ATG10: variants seen among roughly 807,000 people sequenced by gnomAD.
ATG10 encodes ubiquitin-like-conjugating enzyme ATG10.
In ATG10, 30 loss-of-function variants were observed where a neutral mutation model predicts 32.1. The ratio of observed to expected loss-of-function variants is 0.94; its 90% CI spans 0.70 to 1.27. ATG10 has a LOEUF of 1.27. ATG10 is among the 50% of genes most tolerant of loss of function. The pLI is 0.00. For missense variants in ATG10, 233 were observed against 262.3 expected, an observed-to-expected ratio of 0.89 and a Z score of 0.77; for synonymous variants, 87 against 91.5, an observed-to-expected ratio of 0.95 and a Z score of 0.28.
intron 5 of ATG10, among the ~76,000 whole-genome samples, chr5:82,231,482 T>A (rs1746366724): frequency 6.6e-6 from 1 of 152,212 alleles, no homozygotes; most frequent in African/African-American, 2.4e-5. Flanking sequence ...TCTATTACTA[T>A]GTTTATTTGT....
chr5:82,161,696 A>AACACGCAC (rs1554053989), intron 3 of ATG10, among the ~76,000 whole-genome samples: 1 of 129,664 alleles, frequency 7.7e-6, no homozygotes, highest in Non-Finnish European at 1.6e-5. Context: ...TTAGAGAATA[A>AACACGCAC]ACACACACAC....
intron 5 of ATG10, among the ~76,000 whole-genome samples, chr5:82,201,228 C>G (rs1035390205): frequency 6.6e-6 from 1 of 152,150 alleles, no homozygotes; most frequent in Non-Finnish European, 1.5e-5. Context: ...GGTATTTTAT[C>G]TAAGAATTGT....
rs148687785 is a variant in ATG10, at chr5:82,146,583, A to G, written c.217-17816A>G. Among the ~76,000 whole-genome samples, 282 of 149,262 alleles carry G rather than the reference A, an allele frequency of 1.9e-3. 1 individual carries two copies. Among genetic ancestry groups the G allele is most frequent in the Non-Finnish European group, 2.5e-3 (169 of 67,582 alleles). On this transcript the variant is annotated intron_variant, in intron 3 of 7. Coordinates refer to ENST00000282185, the MANE Select transcript of ATG10 (RefSeq NM_031482.5). ...GTCTGATGTTCTGAAATTGTCCCACATGTCCCAAATACTTTGTTCATTTTC... is the reference window on the plus strand; with the variant it reads ...GTCTGATGTTCTGAAATTGTCCCACGTGTCCCAAATACTTTGTTCATTTTC...
At chr5:82,100,350 T>C (rs1172966255) in intron 3 of ATG10, among the ~76,000 whole-genome samples, 1 of 151,916 alleles carries the variant, frequency 6.6e-6, no homozygotes, top group Non-Finnish European at 1.5e-5. Context: ...AAATGGGTGG[T>C]GGTGTTTTGA....
At chr5:82,086,787 T>G (rs1478400993) in intron 3 of ATG10, among the ~76,000 whole-genome samples, 1 of 152,192 alleles carries the variant, frequency 6.6e-6, no homozygotes, top group Non-Finnish European at 1.5e-5. Context: ...GGAGGCATCT[T>G]AAGAAATTAG....
chr5:82,079,160 A>G (rs1033814276), intron 3 of ATG10, among the ~76,000 whole-genome samples: 1 of 152,094 alleles, frequency 6.6e-6, no homozygotes, highest in Non-Finnish European at 1.5e-5. Context: ...CTCTTTGGTT[A>G]TATCTGGGCA....
intron 2 of ATG10, among the ~76,000 whole-genome samples, chr5:82,033,908 A>G (rs1762820337): frequency 6.7e-6 from 1 of 149,294 alleles, no homozygotes; most frequent in Non-Finnish European, 1.5e-5. Flanking sequence ...TATATGTACT[A>G]TGTATATATA....
At chr5:81,987,835 A>G (rs1371204334) in intron 2 of ATG10, among the ~76,000 whole-genome samples, 157 bp downstream of exon 2, 1 of 152,158 alleles carries the variant, frequency 6.6e-6, no homozygotes, top group Non-Finnish European at 1.5e-5. Context: ...CTTACAACAG[A>G]TGTCCATTTT....
At chr5:82,066,262 C>T (rs913003935) in intron 3 of ATG10, among the ~76,000 whole-genome samples, 33 of 152,120 alleles carry the variant, frequency 2.2e-4, no homozygotes, top group Non-Finnish European at 5.9e-5. Context: ...GCTACCTATA[C>T]ACACTGACTT....
At chr5:82,060,632 G>C (rs1486411521) in intron 3 of ATG10, among the ~76,000 whole-genome samples, 2 of 152,192 alleles carry the variant, frequency 1.3e-5, no homozygotes, top group Non-Finnish European at 2.9e-5. Flanking sequence ...GAAAGGCCGA[G>C]GCAGGCGGAT....
intron 2 of ATG10, among the ~76,000 whole-genome samples, chr5:82,005,585 G>A (rs1008394730): frequency 8.5e-5 from 13 of 152,068 alleles, no homozygotes; most frequent in African/African-American, 1.9e-4. Context: ...GTGAGCCACC[G>A]CACATTTATA....
chr5:82,047,308 G>A (rs1763262706), intron 2 of ATG10, among the ~76,000 whole-genome samples: 1 of 152,064 alleles, frequency 6.6e-6, no homozygotes, highest in Non-Finnish European at 1.5e-5. Context: ...AAATGGGCAA[G>A]TTGGAAAACC....
intron 2 of ATG10, among the ~76,000 whole-genome samples, chr5:81,993,370 T>C (rs1226840561): frequency 0.012 from 382 of 32,266 alleles, 11 homozygotes; most frequent in African/African-American, 0.036. Context: ...CTTCTTTTCT[T>C]TTCTTTTCTT....
intron 2 of ATG10, among the ~76,000 whole-genome samples, chr5:82,016,278 T>C (rs1004691111): frequency 6.6e-6 from 1 of 152,174 alleles, no homozygotes; most frequent in Non-Finnish European, 1.5e-5. Context: ...GAGGCGAGGA[T>C]CCACTTTGAT....
At chr5:81,983,706 T>G (rs1392018656) in intron 1 of ATG10, among the ~76,000 whole-genome samples, 2 of 143,906 alleles carry the variant, frequency 1.4e-5, no homozygotes, top group African/African-American at 5.2e-5. Context: ...ACTTCCCAGA[T>G]GGGGTGGCTG....
intron 4 of ATG10, among the ~76,000 whole-genome samples, chr5:82,178,169 G>A (rs560531670): frequency 9.9e-5 from 15 of 152,242 alleles, no homozygotes; most frequent in South Asian, 4.1e-4. Context: ...ATGGGAGTCT[G>A]TTGGTTCCTT....
chr5:82,070,758 C>A (rs908106217), intron 3 of ATG10, among the ~76,000 whole-genome samples: 2 of 152,034 alleles, frequency 1.3e-5, no homozygotes, highest in African/African-American at 4.8e-5. Context: ...TTTTACAATC[C>A]CCTCTGTCTT....
At chr5:82,214,745 C>T (rs1745612241) in intron 5 of ATG10, among the ~76,000 whole-genome samples, 1 of 152,146 alleles carries the variant, frequency 6.6e-6, no homozygotes, top group Non-Finnish European at 1.5e-5. Flanking sequence ...GGTGGAGGGA[C>T]TCTCTTACGA....
intron 2 of ATG10, among the ~76,000 whole-genome samples, chr5:81,997,958 A>G (rs1761717401): frequency 6.6e-6 from 1 of 152,254 alleles, no homozygotes; most frequent in African/African-American, 2.4e-5. Context: ...CAACTTGGAA[A>G]ACGTATTTCA....
Sources: allele counts gnomAD v4.1 joint callset (sites outside exome capture counted in the v4.1 genomes callset), GRCh38; gene constraint gnomAD v4.1.1; transcripts MANE v1.5; gene names NCBI Gene and HGNC (gene_info 2026-07-23, HGNC 2026-07-21).